Variants in ZC3H12B observed in about 807,000 individuals in gnomAD.
ZC3H12B encodes the protein probable ribonuclease ZC3H12B.
ZC3H12B carries 7 observed loss-of-function variants against 43.9 expected under a neutral mutation model. The observed-to-expected ratio is 0.16, with a 90% CI of 0.09 to 0.30. ZC3H12B has a LOEUF of 0.30. Ranked by LOEUF, ZC3H12B falls within the 10% of genes least tolerant of loss-of-function variation. ZC3H12B has a pLI of 1.00. For synonymous variants in ZC3H12B, 222 were observed against 241.7 expected (o/e 0.92, Z 0.76); for missense variants, 475 against 670.2 (o/e 0.71, Z 3.22).
chrX:65,156,755 A>G, the ZC3H12B span, among the ~76,000 whole-genome samples: 4 of 110,447 alleles, frequency 3.6e-5, no homozygotes, highest in East Asian at 2.9e-4. Flanking sequence ...GGCTCAAGCA[A>G]TCCTCCCACC....
chrX:65,228,439 C>A, the ZC3H12B span, among the ~76,000 whole-genome samples: 1 of 111,286 alleles, frequency 9.0e-6, no homozygotes, highest in South Asian at 3.8e-4. Flanking sequence ...ACTGAATGGA[C>A]AAAAACTGGA....
the ZC3H12B span, among the ~76,000 whole-genome samples, chrX:65,304,836 TTCA>T: frequency 1.8e-5 from 2 of 111,502 alleles, no homozygotes; most frequent in African/African-American, 6.5e-5. Flanking sequence ...TAAATTGGAC[TTCA>T]TCAAAATTAA....
the ZC3H12B span, among the ~76,000 whole-genome samples, chrX:65,163,216 G>T: frequency 9.0e-6 from 1 of 111,479 alleles, no homozygotes; most frequent in Non-Finnish European, 1.9e-5. Flanking sequence ...CGGGGGTCAG[G>T]GGTCAGGGAC....
chrX:65,460,611 G>A (rs1345249156), intron 3 of ZC3H12B, among the ~76,000 whole-genome samples: 2 of 111,977 alleles, frequency 1.8e-5, no homozygotes, highest in Admixed American at 1.9e-4. Flanking sequence ...AATGGGGAAA[G>A]GATTCCCTAT....
chrX:65,107,181 A>G, the ZC3H12B span, among the ~76,000 whole-genome samples: 2 of 111,853 alleles, frequency 1.8e-5, no homozygotes, highest in African/African-American at 3.2e-5. Context: ...CAAACTTTGC[A>G]TGTTTAGCTC....
At chrX:65,098,304 C>A in the ZC3H12B span, among the ~76,000 whole-genome samples, 2 of 109,079 alleles carry the variant, frequency 1.8e-5, no homozygotes, top group African/African-American at 6.8e-5. Context: ...TGTCAAATAA[C>A]AATCAAGAGA....
At chrX:65,271,122 C>T in the ZC3H12B span, 2 of 112,556 alleles carry the variant, frequency 1.8e-5, no homozygotes, top group African/African-American at 6.5e-5. Context: ...AGGGTTACAT[C>T]CAGCAGCCAG....
intron 3 of ZC3H12B, among the ~76,000 whole-genome samples, chrX:65,419,818 G>C (rs1214070334): frequency 9.0e-6 from 1 of 111,301 alleles, no homozygotes; most frequent in South Asian, 3.8e-4. Context: ...ATGGGCCTAG[G>C]TTCCAGACTG....
chrX:65,259,975 A>G, the ZC3H12B span, among the ~76,000 whole-genome samples: 1 of 111,912 alleles, frequency 8.9e-6, no homozygotes, highest in Non-Finnish European at 1.9e-5. Flanking sequence ...TCGGGAATGG[A>G]AAACTAAATA....
the ZC3H12B span, among the ~76,000 whole-genome samples, chrX:65,152,183 G>A: frequency 1.8e-5 from 2 of 111,625 alleles, no homozygotes; most frequent in East Asian, 2.8e-4. Context: ...AGACAGGGAT[G>A]CCCTCTCTCA....
the ZC3H12B span, among the ~76,000 whole-genome samples, chrX:65,317,197 C>T: frequency 4.6e-5 from 5 of 109,095 alleles, no homozygotes; most frequent in Admixed American, 9.8e-5. Flanking sequence ...TAGTAGAGCA[C>T]ATGGCATATA....
the ZC3H12B span, among the ~76,000 whole-genome samples, chrX:65,040,372 G>GC: frequency 1.2e-5 from 1 of 85,660 alleles, no homozygotes; most frequent in Non-Finnish European, 2.4e-5. Context: ...ATCATTAACT[G>GC]TTTTTTTTTT....
At chrX:65,112,664 C>T in the ZC3H12B span, among the ~76,000 whole-genome samples, 1 of 111,810 alleles carries the variant, frequency 8.9e-6, no homozygotes. Flanking sequence ...GACAGCATAC[C>T]TGTTTACAGC....
intron 3 of ZC3H12B, among the ~76,000 whole-genome samples, chrX:65,459,530 C>T (rs1341111841): frequency 9.0e-6 from 1 of 111,707 alleles, no homozygotes; most frequent in Non-Finnish European, 1.9e-5. Flanking sequence ...GGCTTCATCC[C>T]TGGGATGCAA....
At chrX:65,171,920 A>G in the ZC3H12B span, among the ~76,000 whole-genome samples, 23 of 111,170 alleles carry the variant, frequency 2.1e-4, no homozygotes, top group Non-Finnish European at 5.7e-5. Flanking sequence ...GAATATCCCA[A>G]TTTTCGAGGT....
chrX:65,163,601 G>A, the ZC3H12B span, among the ~76,000 whole-genome samples: 266 of 111,854 alleles, frequency 2.4e-3, 2 homozygotes, highest in Middle Eastern at 4.6e-3. Context: ...CTCCTGGTGC[G>A]CCGTTTTTTA....
At chrX:65,345,875 G>A in the ZC3H12B span, among the ~76,000 whole-genome samples, 1 of 111,225 alleles carries the variant, frequency 9.0e-6, no homozygotes, top group Non-Finnish European at 1.9e-5. Flanking sequence ...ATTTACAATA[G>A]TCACACAAAA....
the ZC3H12B span, among the ~76,000 whole-genome samples, chrX:65,343,318 T>C: frequency 9.8e-3 from 1,101 of 112,078 alleles, 5 homozygotes; most frequent in Non-Finnish European, 0.017. Flanking sequence ...CTTTCCTAAC[T>C]CATTCTATGA....
At chrX:65,333,849 C>T in the ZC3H12B span, among the ~76,000 whole-genome samples, 1 of 111,854 alleles carries the variant, frequency 8.9e-6, no homozygotes, top group Non-Finnish European at 1.9e-5. Context: ...TTGGTTCCTT[C>T]TGTAGCATAC....
Sources: allele counts gnomAD v4.1 joint callset (sites outside exome capture counted in the v4.1 genomes callset), GRCh38; gene constraint gnomAD v4.1.1; transcripts MANE v1.5; gene names NCBI Gene and HGNC (gene_info 2026-07-23, HGNC 2026-07-21).